PDXDC1: variants seen among roughly 807,000 people sequenced by gnomAD.
PDXDC1 encodes pyridoxal dependent decarboxylase domain containing 1, also known as pyridoxal-dependent decarboxylase domain-containing protein 1.
Under a neutral mutation model 100.1 loss-of-function variants are expected in PDXDC1, and 42 were observed. That is an observed-to-expected ratio of 0.42 (90% CI 0.33 to 0.54). The LOEUF (loss-of-function observed/expected upper bound fraction) is 0.54, where lower values mean the gene tolerates loss of function less well. PDXDC1 is among the 20% of genes least tolerant of loss of function. PDXDC1 has a pLI of 0.10. For missense variants in PDXDC1, 636 were observed against 979.2 expected (o/e 0.65, Z 4.68); for synonymous variants, 260 against 371.7 (o/e 0.70, Z 3.46).
chr16:15,041,509 A>G, downstream of PDXDC1: 3 of 793,614 alleles, frequency 3.8e-6, no homozygotes, highest in Admixed American at 1.7e-5. Flanking sequence ...GCCGGAACAG[A>G]TGGTGGCCAA....
At position 15,104,469 on chromosome 16, in the gene PDXDC1, ACACTCGGGAGGTGT is replaced by A. The variant is rs1298882225; in HGVS notation, c.1400-34408_1400-34395del. On this transcript the variant is annotated intron_variant, in intron 16 of 16. Transcript: ENST00000535621. Reference sequence around the variant, plus strand: ...GAGGGTGGAAGGGGAGTGAGCAGACACACTCGGGAGGTGTCTTGAGATTATCATCCGCTGAGGGT... The same window carrying A: ...GAGGGTGGAAGGGGAGTGAGCAGACACTTGAGATTATCATCCGCTGAGGGT... The A allele has an allele frequency of 5.1e-5, 35 of 681,806 alleles. 7 individuals carry two copies. The highest frequency in any genetic ancestry group is 2.8e-4 in the African/African-American group (12 of 43,408). 42.2% of individuals were successfully genotyped at this position (681,806 alleles called of 1,614,324 possible). A position where few individuals can be genotyped will look rare whatever the true frequency, so the allele number is the denominator to read the frequency against.
chr16:15,079,578 G>A (rs1359991039), intron 16 of PDXDC1, among the ~76,000 whole-genome samples: 2 of 148,492 alleles, frequency 1.3e-5, no homozygotes, highest in Admixed American at 7.0e-5. Flanking sequence ...GCAAAGAATG[G>A]TGCTAGTGGT....
At chr16:14,988,165 G>A in intron 1 of PDXDC1, 1 of 1,560,450 alleles carries the variant, frequency 6.4e-7, no homozygotes, top group South Asian at 1.1e-5. Flanking sequence ...ACAAAGGGCG[G>A]GTGCTTCCAA....
intron 7 of PDXDC1, chr16:15,009,405 A>T: frequency 1.8e-6 from 1 of 557,148 alleles, no homozygotes; most frequent in Non-Finnish European, 3.0e-6. Flanking sequence ...GAGTTAAGAG[A>T]ACATTTCATT....
At chr16:15,075,819 G>C (rs1168057241) in intron 16 of PDXDC1, among the ~76,000 whole-genome samples, 6 of 152,138 alleles carry the variant, frequency 3.9e-5, no homozygotes, top group Non-Finnish European at 7.4e-5. Flanking sequence ...CCCTTTTGCA[G>C]GTCGGGATAT....
At chr16:15,135,137 G>T in intron 16 of PDXDC1, 1 of 708,844 alleles carries the variant, frequency 1.4e-6, no homozygotes, top group Non-Finnish European at 2.5e-6. Context: ...GCTGAAGCAG[G>T]CTGTCGTGTT....
intron 16 of PDXDC1, among the ~76,000 whole-genome samples, chr16:15,091,524 A>G (rs976453281): frequency 2.0e-5 from 3 of 151,556 alleles, no homozygotes; most frequent in African/African-American, 7.3e-5. Flanking sequence ...ATGACTACAA[A>G]AATTTAAACA....
chr16:15,070,193 C>G (rs199902960), intron 16 of PDXDC1: 14 of 1,608,374 alleles, frequency 8.7e-6, no homozygotes, highest in Non-Finnish European at 1.2e-5. Flanking sequence ...GTTCCCGAAT[C>G]CTGGTTATTA....
At chr16:15,020,502 AACAC>A (rs2042107080) in intron 12 of PDXDC1, among the ~76,000 whole-genome samples, 11 of 152,206 alleles carry the variant, frequency 7.2e-5, no homozygotes, top group Admixed American at 2.6e-4. Context: ...CATCCTGGCT[AACAC>A]GGTGAAACCC....
intron 1 of PDXDC1, among the ~76,000 whole-genome samples, chr16:14,993,555 G>C (rs1039701924): frequency 2.0e-5 from 3 of 152,290 alleles, no homozygotes; most frequent in African/African-American, 7.2e-5. Flanking sequence ...ATGGACATTT[G>C]GGTTGGTTCC....
At chr16:15,005,358 A>T (rs1254679244) in intron 5 of PDXDC1, among the ~76,000 whole-genome samples, 2 of 152,142 alleles carry the variant, frequency 1.3e-5, no homozygotes, top group Non-Finnish European at 2.9e-5. Flanking sequence ...ATGTGCTATG[A>T]AACTGAAATT....
chr16:15,068,102 C>A, intron 16 of PDXDC1: 1 of 1,501,444 alleles, frequency 6.7e-7, no homozygotes, highest in Non-Finnish European at 9.0e-7. Context: ...AACACTCTTA[C>A]AATACTAGAT....
In PDXDC1 at chr16:15,129,105, G is replaced by A. The variant is rs574613592; in HGVS notation, c.1400-9774G>A. Reference sequence around the variant, plus strand: ...CAGGTGTGAGCCACCGCGCCCGGCCGACAGTTTTTAAAAGTAGGTAATCAA... The same window carrying A: ...CAGGTGTGAGCCACCGCGCCCGGCCAACAGTTTTTAAAAGTAGGTAATCAA... On this transcript the variant is annotated intron_variant, in intron 16 of 16. Transcript: ENST00000535621. 3.0e-3 allele frequency among the ~76,000 whole-genome samples: 460 copies of A among 151,776 alleles called. 4 individuals carry two copies. The highest frequency in any genetic ancestry group is 0.01 in the Middle Eastern group (3 of 294).
chr16:14,992,198 A>C (rs1204783752), intron 1 of PDXDC1, among the ~76,000 whole-genome samples: 1 of 152,296 alleles, frequency 6.6e-6, no homozygotes, highest in African/African-American at 2.4e-5. Flanking sequence ...GTCAAGCAAC[A>C]AGTCTAGATT....
intron 15 of PDXDC1, 158 bp downstream of exon 15, chr16:15,029,124 C>T (rs550389341): frequency 4.0e-5 from 33 of 825,634 alleles, no homozygotes; most frequent in East Asian, 1.1e-4. Flanking sequence ...TTCCCCATTG[C>T]GTTACCACCT....
At chr16:15,129,174 A>G (rs1039593888) in intron 16 of PDXDC1, among the ~76,000 whole-genome samples, 120 of 152,024 alleles carry the variant, frequency 7.9e-4, no homozygotes, top group Non-Finnish European at 1.4e-3. Flanking sequence ...ACGGAAATAA[A>G]AAATGGGAAC....
chr16:15,146,909 G>A, the PDXDC1 span, among the ~76,000 whole-genome samples: 27 of 152,048 alleles, frequency 1.8e-4, no homozygotes, highest in Admixed American at 1.1e-3. Context: ...CTTTACAGGT[G>A]AGGAAACTGA....
intron 14 of PDXDC1, among the ~76,000 whole-genome samples, chr16:15,028,590 CTAGT>C (rs1363713690): frequency 6.6e-6 from 1 of 152,300 alleles, no homozygotes; most frequent in Non-Finnish European, 1.5e-5. Context: ...GCTTGGTAAA[CTAGT>C]TAGTAACTTA....
At chr16:15,124,976 G>C (rs995418870) in intron 16 of PDXDC1, among the ~76,000 whole-genome samples, 8 of 149,644 alleles carry the variant, frequency 5.3e-5, no homozygotes, top group Non-Finnish European at 8.9e-5. Flanking sequence ...CTGAAACCCC[G>C]TCTCTACCAA....
Sources: gnomAD v4.1 joint callset for allele counts (sites outside exome capture counted in the v4.1 genomes callset) on GRCh38, gnomAD v4.1.1 for gene constraint, MANE v1.5 for transcripts, NCBI Gene and HGNC (gene_info 2026-07-23, HGNC 2026-07-21) for gene names.